The following IDE variants were observed in gnomAD, a reference collection of about 807,000 sequenced individuals.
IDE encodes the protein insulin degrading enzyme.
A neutral mutation model predicts 133.2 loss-of-function variants in IDE; 58 were observed. The observed-to-expected ratio is 0.44, with a 90% CI of 0.35 to 0.54. IDE has a LOEUF of 0.54. IDE is among the 20% of genes least tolerant of loss of function. The pLI is 0.00. For synonymous variants in IDE, 396 were observed against 421.3 expected (o/e 0.94, Z 0.73); for missense variants, 981 against 1,234.0 (o/e 0.79, Z 3.07).
At chr10:92,535,591 T>C (rs1841956610) in intron 2 of IDE, among the ~76,000 whole-genome samples, 1 of 152,214 alleles carries the variant, frequency 6.6e-6, no homozygotes, top group South Asian at 2.1e-4. Flanking sequence ...AGATGACATA[T>C]GCAAATCACC....
chr10:92,548,231 A>T (rs920247430), intron 1 of IDE, among the ~76,000 whole-genome samples: 2 of 151,580 alleles, frequency 1.3e-5, no homozygotes, highest in Admixed American at 1.3e-4. Flanking sequence ...GTGGTGTCAG[A>T]CTCCTGTAAT....
chr10:92,531,640 TTATATACATAAA>T (rs1056379414), intron 4 of IDE, 96 bp downstream of exon 4: 25 of 414,742 alleles, frequency 6.0e-5, no homozygotes, highest in African/African-American at 1.9e-4. Flanking sequence ...ATGCCATGGG[TTATATACATAAA>T]TATATACATA....
At chr10:92,502,046 C>T (rs966208740) in intron 11 of IDE, among the ~76,000 whole-genome samples, 1 of 151,888 alleles carries the variant, frequency 6.6e-6, no homozygotes, top group African/African-American at 2.4e-5. Context: ...AGGAAGCTGA[C>T]GCAGGAGATC....
chr10:92,551,434 G>A (rs755840880), intron 1 of IDE, among the ~76,000 whole-genome samples: 2 of 151,560 alleles, frequency 1.3e-5, no homozygotes, highest in Non-Finnish European at 3.0e-5. Flanking sequence ...TGGGAGTGGT[G>A]GTGCACACCT....
At chr10:92,545,652 T>C (rs11187061) in intron 1 of IDE, among the ~76,000 whole-genome samples, 129,108 of 152,228 alleles carry the variant, frequency 0.85, 55,024 homozygotes, top group African/African-American at 0.93. Context: ...GAAGAGGTAT[T>C]ATTGAGGCTT....
intron 11 of IDE, among the ~76,000 whole-genome samples, chr10:92,502,496 C>T (rs1848076797): frequency 6.6e-6 from 1 of 152,064 alleles, no homozygotes; most frequent in African/African-American, 2.4e-5. Context: ...ACCTTGCAAC[C>T]TGTGACTGTG....
intron 14 of IDE, among the ~76,000 whole-genome samples, chr10:92,482,476 A>G (rs1319144295): frequency 3.3e-5 from 5 of 152,236 alleles, no homozygotes; most frequent in Non-Finnish European, 5.9e-5. Context: ...TAGAGGAAGC[A>G]GTATCTAAGG....
chr10:92,499,191 C>CT (rs374526746), intron 11 of IDE, among the ~76,000 whole-genome samples: 52 of 147,540 alleles, frequency 3.5e-4, no homozygotes, highest in South Asian at 4.3e-4. Context: ...GGTGGTTTTT[C>CT]TTTTTTTTTT....
intron 11 of IDE, among the ~76,000 whole-genome samples, chr10:92,494,110 C>T (rs1449844607): frequency 6.6e-6 from 1 of 152,046 alleles, no homozygotes; most frequent in African/African-American, 2.4e-5. Flanking sequence ...GAGACAGGGT[C>T]TTGTACAGTG....
intron 12 of IDE, 134 bp downstream of exon 12, chr10:92,490,359 T>C: frequency 1.5e-6 from 1 of 658,830 alleles, no homozygotes; most frequent in South Asian, 1.9e-5. Flanking sequence ...TACTTGTTGA[T>C]TTCTCTTAGG....
chr10:92,510,701 CATATATG>C (rs1027246348), intron 5 of IDE, among the ~76,000 whole-genome samples: 5 of 151,324 alleles, frequency 3.3e-5, no homozygotes, highest in African/African-American at 1.2e-4. Flanking sequence ...ATACATCTCA[CATATATG>C]ATATATATCA....
At chr10:92,544,383 T>C (rs550815545) in intron 1 of IDE, among the ~76,000 whole-genome samples, 3 of 152,322 alleles carry the variant, frequency 2.0e-5, no homozygotes, top group Non-Finnish European at 4.4e-5. Flanking sequence ...TTCGCAGTCA[T>C]CCTCTTCAAC....
At chr10:92,526,110 G>A (rs1221578302) in intron 4 of IDE, among the ~76,000 whole-genome samples, 2 of 149,752 alleles carry the variant, frequency 1.3e-5, no homozygotes, top group African/African-American at 2.5e-5. Flanking sequence ...CTGAGATGGC[G>A]CCACTGCACT....
intron 12 of IDE, among the ~76,000 whole-genome samples, chr10:92,488,706 G>T (rs963485264): frequency 4.6e-5 from 7 of 151,680 alleles, no homozygotes; most frequent in African/African-American, 1.7e-4. Flanking sequence ...GAACCTGGAA[G>T]GCAGAGGTTG....
chr10:92,489,360 G>A (rs536779994), intron 12 of IDE, among the ~76,000 whole-genome samples: 2 of 152,126 alleles, frequency 1.3e-5, no homozygotes, highest in East Asian at 1.9e-4. Context: ...GACCATCCTG[G>A]CCAACATGGT....
intron 11 of IDE, among the ~76,000 whole-genome samples, chr10:92,491,331 T>TGGCTCA (rs1439439384): frequency 2.0e-5 from 3 of 152,084 alleles, no homozygotes; most frequent in Non-Finnish European, 2.9e-5. Context: ...TAAAACCTGC[T>TGGCTCA]GGCTCATCCA....
chr10:92,568,316 A>G (rs1843645233), intron 1 of IDE, among the ~76,000 whole-genome samples: 3 of 152,190 alleles, frequency 2.0e-5, no homozygotes, highest in African/African-American at 7.2e-5. Context: ...GCATACTTGC[A>G]TGACTGCCAT....
intron 22 of IDE, among the ~76,000 whole-genome samples, chr10:92,456,860 AAAAAAAAAAAAAAG>A: frequency 6.7e-6 from 1 of 149,992 alleles, no homozygotes; most frequent in Non-Finnish European, 1.5e-5. Flanking sequence ...AAAAAAAAAA[AAAAAAAAAAAAAAG>A]AAAAAGAAAA....
At chr10:92,570,142 A>G (rs748905202) in intron 1 of IDE, among the ~76,000 whole-genome samples, 1 of 152,186 alleles carries the variant, frequency 6.6e-6, no homozygotes, top group Non-Finnish European at 1.5e-5. Context: ...ATAGGCAAAA[A>G]GAAACTAAAC....
Sources: allele counts gnomAD v4.1 joint callset (sites outside exome capture counted in the v4.1 genomes callset), GRCh38; gene constraint gnomAD v4.1.1; transcripts MANE v1.5; gene names NCBI Gene and HGNC (gene_info 2026-07-23, HGNC 2026-07-21).